LZTS1: variants seen among roughly 807,000 people sequenced by gnomAD.
LZTS1 encodes leucine zipper putative tumor suppressor 1.
LZTS1 carries 31 observed loss-of-function variants against 45.8 expected under a neutral mutation model. The observed-to-expected ratio is 0.68, with a 90% CI of 0.51 to 0.91. The LOEUF (loss-of-function observed/expected upper bound fraction) is 0.91. Among genes scored for constraint, LZTS1 ranks in the 40% least tolerant of loss-of-function variants. LZTS1 has a pLI of 0.00. For missense variants in LZTS1, 821 were observed against 788.9 expected (o/e 1.04, Z -0.49); for synonymous variants, 359 against 357.3 (o/e 1.00, Z -0.05).
intron 1 of LZTS1, among the ~76,000 whole-genome samples, chr8:20,284,197 A>G (rs912721160): frequency 6.6e-6 from 1 of 152,230 alleles, no homozygotes; most frequent in African/African-American, 2.4e-5. Context: ...TGGCTGGATC[A>G]GCAAACAAAC....
At chr8:20,268,566 G>A (rs1800410051) in intron 1 of LZTS1, among the ~76,000 whole-genome samples, 1 of 152,120 alleles carries the variant, frequency 6.6e-6, no homozygotes, top group East Asian at 1.9e-4. Flanking sequence ...GAGCCTTTGA[G>A]CTAGTTAATC....
intron 1 of LZTS1, among the ~76,000 whole-genome samples, chr8:20,272,771 G>GA (rs1198034160): frequency 2.6e-5 from 4 of 152,186 alleles, no homozygotes; most frequent in African/African-American, 9.7e-5. Context: ...CCGTGAAACA[G>GA]AAGTCTGTCT....
At chr8:20,283,735 T>C (rs1450443327) in intron 1 of LZTS1, among the ~76,000 whole-genome samples, 1 of 152,114 alleles carries the variant, frequency 6.6e-6, no homozygotes, top group Non-Finnish European at 1.5e-5. Flanking sequence ...TGAGACACAC[T>C]GTTGAGATGT....
chr8:20,264,043 C>T (rs563578727), intron 1 of LZTS1, among the ~76,000 whole-genome samples: 62 of 152,304 alleles, frequency 4.1e-4, no homozygotes, highest in African/African-American at 1.4e-3. Context: ...TCTCTCTCCC[C>T]AGGTGGAAAA....
intron 1 of LZTS1, among the ~76,000 whole-genome samples, chr8:20,275,058 G>T (rs1162671247): frequency 6.6e-6 from 1 of 151,986 alleles, no homozygotes; most frequent in Non-Finnish European, 1.5e-5. Context: ...GTGGGTGGGG[G>T]ACAGATACTA....
At chr8:20,303,480 C>T (rs191615834) in intron 1 of LZTS1, among the ~76,000 whole-genome samples, 86 of 152,312 alleles carry the variant, frequency 5.6e-4, no homozygotes, top group African/African-American at 1.9e-3. Context: ...GCAGGAGACA[C>T]GAAGACAAAG....
chr8:20,256,510 G>A (rs981654933), intron 1 of LZTS1, among the ~76,000 whole-genome samples: 9 of 152,180 alleles, frequency 5.9e-5, no homozygotes, highest in African/African-American at 2.2e-4. Flanking sequence ...ATTTAGATGT[G>A]GTGGTGGCTC....
chr8:20,281,405 CAAAA>C (rs57769805), intron 1 of LZTS1, among the ~76,000 whole-genome samples: 1 of 133,650 alleles, frequency 7.5e-6, no homozygotes. Context: ...ACTAAAAATA[CAAAA>C]AAAAAAAAAA....
At chr8:20,290,685 G>A (rs1800885979) in intron 1 of LZTS1, among the ~76,000 whole-genome samples, 1 of 152,184 alleles carries the variant, frequency 6.6e-6, no homozygotes. Flanking sequence ...CCTCTCCCAC[G>A]TGTACAACCC....
chr8:20,298,274 C>G (rs1801011777), intron 1 of LZTS1, among the ~76,000 whole-genome samples: 1 of 152,018 alleles, frequency 6.6e-6, no homozygotes, highest in Non-Finnish European at 1.5e-5. Context: ...GGTGGCCAGG[C>G]TGGTCTTGAA....
At chr8:20,301,553 C>T (rs1801076937) in intron 1 of LZTS1, among the ~76,000 whole-genome samples, 1 of 152,054 alleles carries the variant, frequency 6.6e-6, no homozygotes, top group Non-Finnish European at 1.5e-5. Context: ...TGGTAGGCGC[C>T]CAATGAATAT....
rs1800001401 is a variant in LZTS1 at position 20,253,416 on chromosome 8, G to C, written c.515C>G (p.Ser172Ter). 1.2e-6 allele frequency: 2 copies of C among 1,611,936 alleles called. No homozygotes were observed. The highest frequency in any genetic ancestry group is 1.7e-6 in the Non-Finnish European group (2 of 1,178,828). ...LKPGLCSGALSDSGRNSMSSL... is the reference protein window; with the variant it reads ...LKPGLCSGAL ...GGACATGGAGTTCCGGCCGGAGTCT[G>C]ACAGCGCCCCAGAGCACAGGCCAGG... The change falls in exon 3 of 4, where the codon TCA becomes TGA. Residue 172 changes from serine to a stop codon, truncating the protein, a stop_gained. Coordinates refer to ENST00000381569, the MANE Select transcript of LZTS1 (RefSeq NM_021020.5). LOFTEE classifies it high-confidence loss of function.
intron 1 of LZTS1, among the ~76,000 whole-genome samples, chr8:20,265,594 G>T (rs1800336769): frequency 7.2e-6 from 1 of 139,656 alleles, no homozygotes; most frequent in Non-Finnish European, 1.5e-5. Context: ...TGGGAGGATT[G>T]CTTCAGGCTA....
At chr8:20,292,891 C>T (rs1038328939) in intron 1 of LZTS1, among the ~76,000 whole-genome samples, 1 of 152,168 alleles carries the variant, frequency 6.6e-6, no homozygotes, top group South Asian at 2.1e-4. Context: ...CTCTGGGCCT[C>T]TATGTCTTCA....
intron 3 of LZTS1, among the ~76,000 whole-genome samples, chr8:20,251,034 A>G (rs1426278342): frequency 3.4e-5 from 5 of 147,316 alleles, no homozygotes; most frequent in South Asian, 2.2e-4. Context: ...ATTTACATCA[A>G]TGAAACTGAG....
intron 1 of LZTS1, among the ~76,000 whole-genome samples, chr8:20,302,472 G>T (rs970961118): frequency 6.6e-6 from 1 of 152,144 alleles, no homozygotes. Flanking sequence ...GAAAGCTCAG[G>T]TTGCAAACAC....
chr8:20,266,282 C>T lies in LZTS1; in HGVS notation c.-134-10967G>A, dbSNP rs1043116920. Among the ~76,000 whole-genome samples, 9 of 152,208 alleles carry T rather than the reference C, an allele frequency of 5.9e-5. No individual in the cohort carries two copies. In the East Asian group the frequency reaches 1.2e-3, roughly 20 times the overall value. On this transcript the variant is annotated intron_variant, in intron 1 of 3. Transcript: ENST00000381569. ...GCTCAAGTGATCTTCCTGCCTTGGC[C>T]GCCCAAAGTGCTGGAATTACCAGTG...
chr8:20,286,281 G>A (rs914017217), intron 1 of LZTS1, among the ~76,000 whole-genome samples: 1 of 152,104 alleles, frequency 6.6e-6, no homozygotes, highest in Non-Finnish European at 1.5e-5. Flanking sequence ...AACAATTCTC[G>A]TAAATCTCTA....
intron 1 of LZTS1, among the ~76,000 whole-genome samples, chr8:20,275,317 A>G (rs62499976): frequency 0.26 from 38,517 of 149,804 alleles, 5,786 homozygotes; most frequent in African/African-American, 0.41. Flanking sequence ...CAGGAGAATC[A>G]CTTGAACCCG....
Sources: gnomAD v4.1 joint callset for allele counts (sites outside exome capture counted in the v4.1 genomes callset) on GRCh38, gnomAD v4.1.1 for gene constraint, MANE v1.5 for transcripts, NCBI Gene and HGNC (gene_info 2026-07-23, HGNC 2026-07-21) for gene names.